KCNAB2: variants seen among roughly 807,000 people sequenced by gnomAD.
KCNAB2 encodes the protein potassium voltage-gated channel subfamily A regulatory beta subunit 2, also known as voltage-gated potassium channel subunit beta-2.
A neutral mutation model predicts 63.6 loss-of-function variants in KCNAB2; 29 were observed. The ratio of observed to expected loss-of-function variants is 0.46; its 90% confidence interval spans 0.34 to 0.62. KCNAB2 has a LOEUF of 0.62. Among genes scored for constraint, KCNAB2 ranks in the 20% least tolerant of loss-of-function variants. KCNAB2 has a pLI of 0.01. For synonymous variants in KCNAB2, 222 were observed against 224.2 expected, an observed-to-expected ratio of 0.99 and a Z score of 0.09; for missense variants, 359 against 563.9, an observed-to-expected ratio of 0.64 and a Z score of 3.68.
intron 5 of KCNAB2, among the ~76,000 whole-genome samples, chr1:6,083,870 C>G (rs1664425511): frequency 6.6e-6 from 1 of 152,196 alleles, no homozygotes; most frequent in African/African-American, 2.4e-5. Flanking sequence ...GTGAGTCCTA[C>G]CAAATCACAG....
rs1410574657 is a variant in KCNAB2 at position 6,035,655 on chromosome 1, CG to C, written c.-53+864del. ...GAACTGGGCTGGGGGTGAGGGCAGT[CG>C]GGAGCTCAGTGTCTGACCCAGGAAT... On this transcript the variant is annotated intron_variant, in intron 1 of 15. Transcript: ENST00000164247. The surrounding 1 kb of genome is among the most constrained non-coding windows in gnomAD (Gnocchi z 5.0). Among the ~76,000 whole-genome samples the C allele has an allele frequency of 5.9e-5, 9 of 151,590 alleles. No homozygotes were observed. Among genetic ancestry groups the C allele is most frequent in the African/African-American group, 1.9e-4 (8 of 41,222 alleles).
chr1:6,009,987 C>T (rs1430977931), intron 1 of KCNAB2, among the ~76,000 whole-genome samples: 1 of 151,916 alleles, frequency 6.6e-6, no homozygotes, highest in Non-Finnish European at 1.5e-5. Context: ...TCTCCTGCCT[C>T]GGCCTCTGGT....
chr1:6,023,001 G>A lies in KCNAB2; in HGVS notation c.-52-17516G>A, dbSNP rs540851963. Among the ~76,000 whole-genome samples, 6 of 150,286 alleles carry A rather than the reference G, an allele frequency of 4.0e-5. No individual in the cohort carries two copies. In the East Asian group the frequency reaches 1.2e-3, roughly 30 times the overall value. The stretch of plus-strand genomic sequence containing the variant: ...GGGTTCAAGTGATTCTCATGCCTCA[G>A]CCTCCTGAGCAGCTGGGATTACAGG... On this transcript the variant is annotated intron_variant, in intron 1 of 16. Coordinates refer to the KCNAB2 transcript ENST00000341524.
In KCNAB2 at chr1:6,003,905, G is replaced by A. The variant is rs1012286105; in HGVS notation, c.-53+11117G>A. On this transcript the variant is annotated intron_variant, in intron 1 of 16. Transcript: ENST00000341524. This position sits in a 1 kb window ranked among gnomAD's most constrained non-coding sequence, Gnocchi z 4.1. ...AGCGGGGCCTTTAATGGATGTGGTG[G>A]AGTAAAGCTGCCTTTCAAATTGCTG... 1.3e-5 allele frequency among the ~76,000 whole-genome samples: 2 copies of A among 152,240 alleles called. No individual in the cohort carries two copies. The highest frequency in any genetic ancestry group is 2.4e-5 in the African/African-American group (1 of 41,452).
chr1:6,060,023 C>T (rs1364526797), intron 2 of KCNAB2, among the ~76,000 whole-genome samples: 1 of 152,220 alleles, frequency 6.6e-6, no homozygotes, highest in Non-Finnish European at 1.5e-5. Flanking sequence ...CTCCTCCTTC[C>T]CTCGGCCTCC....
chr1:6,017,435 T>A lies in KCNAB2; in HGVS notation c.-52-23082T>A, dbSNP rs1658573794. ...GTGTGTGTGTGTGTGTGTGTGTGTG[T>A]GTGTATTTTTAGTAGAGATGGGTTT... On this transcript the variant is annotated intron_variant, in intron 1 of 16. Transcript: ENST00000341524. Among the ~76,000 whole-genome samples the A allele has an allele frequency of 4.0e-5, 6 of 151,824 alleles. No individual in the cohort carries two copies. The South Asian group carries it at 1.2e-3, about 32-fold the overall frequency.
chr1:6,040,009 G>A (rs1046043125), intron 1 of KCNAB2, among the ~76,000 whole-genome samples: 2 of 152,222 alleles, frequency 1.3e-5, no homozygotes, highest in African/African-American at 4.8e-5. Context: ...GCGGACATCA[G>A]TGGCATCTGA....
At chr1:6,053,340 G>C (rs1424824496) in intron 2 of KCNAB2, among the ~76,000 whole-genome samples, 5 of 152,174 alleles carry the variant, frequency 3.3e-5, no homozygotes, top group African/African-American at 1.2e-4. Context: ...GCATGAACAA[G>C]AGCAACCAGG....
chr1:6,050,312 G>A (rs372057380), intron 1 of KCNAB2, among the ~76,000 whole-genome samples: 1 of 152,346 alleles, frequency 6.6e-6, no homozygotes, highest in East Asian at 1.9e-4. Context: ...TGGTGATGAT[G>A]CAGAGCTGCA....
chr1:6,060,945 G>T (rs1006461168), intron 2 of KCNAB2, among the ~76,000 whole-genome samples: 1 of 147,192 alleles, frequency 6.8e-6, no homozygotes, highest in African/African-American at 2.5e-5. Context: ...ACCTTCTCCA[G>T]ACCTTGAGCC....
At chr1:6,065,776 G>A (rs1015579747) in intron 2 of KCNAB2, among the ~76,000 whole-genome samples, 1 of 152,220 alleles carries the variant, frequency 6.6e-6, no homozygotes, top group South Asian at 2.1e-4. Flanking sequence ...CTGCAGAGAC[G>A]AGAGATGTGA....
At position 6,051,517 on chromosome 1, in the gene KCNAB2, C is replaced by T; in HGVS notation, c.-20C>T. The T allele has an allele frequency of 6.7e-7, 1 of 1,500,910 alleles. No individual in the cohort carries two copies. Among genetic ancestry groups the T allele is most frequent in the East Asian group, 2.5e-5 (1 of 40,292 alleles). The allele number at this position is 1,500,910 out of a possible 1,614,324, so 93.0% of individuals were successfully genotyped here. A position where few individuals can be genotyped will look rare whatever the true frequency, so the allele number is the denominator to read the frequency against. Reference sequence around the variant, plus strand: ...CTCATCACCGTCTGGACAGTGGCAGCTCCCAAGCCAGGCGGCACCATGCTG... The same window carrying T: ...CTCATCACCGTCTGGACAGTGGCAGTTCCCAAGCCAGGCGGCACCATGCTG... On this transcript the variant is annotated 5_prime_UTR_variant, in exon 2 of 16. Transcript: ENST00000378083.
At chr1:6,026,866 C>T (rs1324792900) in intron 1 of KCNAB2, among the ~76,000 whole-genome samples, 1 of 152,230 alleles carries the variant, frequency 6.6e-6, no homozygotes, top group African/African-American at 2.4e-5. Context: ...CCCTGCCCAT[C>T]TTGTCTGCTG....
chr1:6,072,893 C>T, intron 3 of KCNAB2, 95 bp downstream of exon 3: 1 of 1,263,142 alleles, frequency 7.9e-7, no homozygotes, highest in African/African-American at 1.5e-5. Context: ...GGCAGGGTGG[C>T]CCAAACCTTG....
At chr1:6,017,406 C>CTGTGTGTGTGTG (rs56202547) in intron 1 of KCNAB2, among the ~76,000 whole-genome samples, 22 of 147,300 alleles carry the variant, frequency 1.5e-4, no homozygotes, top group African/African-American at 5.3e-4. Context: ...CCATACCTGG[C>CTGTGTGTGTGTG]TGTGTGTGTG....
upstream of KCNAB2, among the ~76,000 whole-genome samples, chr1:6,045,763 C>T (rs977882926): frequency 5.9e-5 from 9 of 152,268 alleles, no homozygotes; most frequent in East Asian, 1.9e-4. This position sits in a 1 kb window ranked among gnomAD's most constrained non-coding sequence, Gnocchi z 4.8. Flanking sequence ...CTGCCCCTTT[C>T]GACCTGTGGG....
intron 4 of KCNAB2, among the ~76,000 whole-genome samples, chr1:6,075,857 A>G (rs975267553): frequency 2.6e-5 from 4 of 152,254 alleles, no homozygotes; most frequent in Non-Finnish European, 4.4e-5. Flanking sequence ...CACCCCAAAC[A>G]GGAGCTCTGC....
At chr1:6,052,763 G>T (rs779297748) in intron 2 of KCNAB2, among the ~76,000 whole-genome samples, 8 of 152,204 alleles carry the variant, frequency 5.3e-5, no homozygotes, top group Non-Finnish European at 1.0e-4. Context: ...AGTCCTTGTA[G>T]AGTTGCCAGT....
chr1:6,030,992 G>A (rs147710893), upstream of KCNAB2, among the ~76,000 whole-genome samples: 199 of 152,054 alleles, frequency 1.3e-3, 1 homozygote, highest in African/African-American at 4.7e-3. Context: ...TGGATGCTGG[G>A]AGAAGTGAGG....
Sources: allele counts gnomAD v4.1 joint callset (sites outside exome capture counted in the v4.1 genomes callset), GRCh38; gene constraint gnomAD v4.1.1; non-coding constraint Gnocchi (gnomAD v3.1); transcripts MANE v1.5; gene names NCBI Gene and HGNC (gene_info 2026-07-23, HGNC 2026-07-21).